The following MTFR1 variants were observed in gnomAD, a reference collection of about 807,000 sequenced individuals.
The protein encoded by MTFR1 is mitochondrial fission regulator 1.
A neutral mutation model predicts 38.8 loss-of-function variants in MTFR1; 28 were observed. The ratio of observed to expected loss-of-function variants is 0.72; its 90% CI spans 0.53 to 0.99. The LOEUF (loss-of-function observed/expected upper bound fraction) is 0.99. Among genes scored for constraint, MTFR1 ranks in the 50% least tolerant of loss-of-function variants. The probability of loss-of-function intolerance (pLI) is 0.00; values close to 1 mark genes in which losing one functional copy is unlikely to be tolerated. For synonymous variants in MTFR1, 145 were observed against 137.0 expected (o/e 1.06, Z -0.41); for missense variants, 358 against 395.5 (o/e 0.91, Z 0.81).
Position 65,693,812 on chromosome 8 carries a change from A to C in MTFR1, c.281+53A>C, listed in dbSNP as rs1401770196. 8.7e-6 allele frequency: 12 copies of C among 1,376,336 alleles called. No individual in the cohort carries two copies. In the Admixed American group the frequency reaches 1.8e-4, roughly 21 times the overall value. 85.3% of individuals were successfully genotyped at this position (1,376,336 alleles called of 1,614,324 possible). On this transcript the variant is annotated intron_variant, in intron 4 of 7. Coordinates refer to ENST00000262146, the MANE Select transcript of MTFR1 (RefSeq NM_014637.4). ...GATGCAATATCTATTTTTTTAAAGA[A>C]TGATATTATTTGCAGTACTTATTTT...
chr8:65,692,267 T>G (rs2129055965), intron 3 of MTFR1, among the ~76,000 whole-genome samples: 1 of 152,360 alleles, frequency 6.6e-6, no homozygotes, highest in South Asian at 2.1e-4. Flanking sequence ...CATTATTATA[T>G]GTATAACAAA....
At chr8:65,724,679 T>G (rs570490983) in intron 3 of MTFR1, 1 of 1,074,508 alleles carries the variant, frequency 9.3e-7, no homozygotes. Flanking sequence ...GCCCTCAAGA[T>G]TTAACCATTC....
At chr8:65,654,144 A>G (rs1809195852) in intron 1 of MTFR1, among the ~76,000 whole-genome samples, 1 of 152,080 alleles carries the variant, frequency 6.6e-6, no homozygotes, top group African/African-American at 2.4e-5. Flanking sequence ...CAAACAATAC[A>G]GGAGTGCATA....
chr8:65,739,270 G>A (rs67724994), intron 3 of MTFR1, among the ~76,000 whole-genome samples: 1 of 152,088 alleles, frequency 6.6e-6, no homozygotes, highest in Non-Finnish European at 1.5e-5. Flanking sequence ...CCAACATGCA[G>A]CCCACCTGTT....
downstream of MTFR1, among the ~76,000 whole-genome samples, chr8:65,774,788 C>A (rs1444891799): frequency 1.3e-5 from 2 of 151,454 alleles, no homozygotes; most frequent in African/African-American, 2.4e-5. Context: ...CTATATTTTC[C>A]AAAACAAAGA....
intron 4 of MTFR1, among the ~76,000 whole-genome samples, chr8:65,696,407 C>G (rs1305982052): frequency 6.6e-6 from 1 of 152,172 alleles, no homozygotes; most frequent in Non-Finnish European, 1.5e-5. Context: ...ATGCTTTTCA[C>G]TCAGTCTCCT....
intron 3 of MTFR1, among the ~76,000 whole-genome samples, chr8:65,733,415 C>G (rs1806986924): frequency 6.6e-6 from 1 of 152,162 alleles, no homozygotes; most frequent in Non-Finnish European, 1.5e-5. Flanking sequence ...CCACAACATT[C>G]TCAAACAGAG....
chr8:65,682,294 T>C, intron 2 of MTFR1, 59 bp from the exon 3 acceptor site: 1 of 805,352 alleles, frequency 1.2e-6, no homozygotes, highest in Non-Finnish European at 1.9e-6. Context: ...GTCTAATGCT[T>C]TGTCTTAACA....
At chr8:65,701,289 G>A (rs72666530) in intron 4 of MTFR1, among the ~76,000 whole-genome samples, 2,254 of 152,188 alleles carry the variant, frequency 0.015, 24 homozygotes, top group Non-Finnish European at 0.021. Context: ...ATACTTTTTG[G>A]TTTATAAGTC....
intron 3 of MTFR1, among the ~76,000 whole-genome samples, chr8:65,730,823 T>C (rs1463645209): frequency 1.3e-5 from 2 of 152,138 alleles, no homozygotes; most frequent in African/African-American, 4.8e-5. Flanking sequence ...CTTGGGAGGC[T>C]GAGACAAGAG....
chr8:65,749,806 G>T lies in MTFR1; in HGVS notation c.*49-21141G>T, dbSNP rs1335357317. Among the ~76,000 whole-genome samples, 6 of 152,122 alleles carry T rather than the reference G, an allele frequency of 3.9e-5. No homozygotes were observed. The South Asian group carries it at 1.2e-3, about 31-fold the overall frequency. The stretch of plus-strand genomic sequence containing the variant: ...TTATAAAGCCTGTTTACTCACAAGG[G>T]TTTTTAAATTATATTTCTACAGTAT... On this transcript the variant is annotated intron_variant, in intron 3 of 3. Transcript: ENST00000521247.
chr8:65,687,581 G>A (rs890349137), intron 3 of MTFR1, among the ~76,000 whole-genome samples: 13 of 151,824 alleles, frequency 8.6e-5, no homozygotes, highest in African/African-American at 1.7e-4. Flanking sequence ...TCCTGACCTC[G>A]TGATCCGCCC....
downstream of MTFR1, among the ~76,000 whole-genome samples, chr8:65,775,391 T>C (rs1356343254): frequency 1.3e-5 from 2 of 152,260 alleles, no homozygotes; most frequent in African/African-American, 2.4e-5. Flanking sequence ...TTCTCATTTA[T>C]GAATATAAGT....
intron 3 of MTFR1, among the ~76,000 whole-genome samples, chr8:65,750,082 T>C (rs919296270): frequency 3.3e-5 from 5 of 152,334 alleles, no homozygotes; most frequent in East Asian, 1.9e-4. Flanking sequence ...CCACCATCTC[T>C]GTATTTGTAA....
At chr8:65,764,826 T>G (rs959593158) in intron 3 of MTFR1, among the ~76,000 whole-genome samples, 1 of 151,978 alleles carries the variant, frequency 6.6e-6, no homozygotes, top group African/African-American at 2.4e-5. Context: ...TAAGCGAAAT[T>G]TAGGGAAAAT....
intron 2 of MTFR1, among the ~76,000 whole-genome samples, chr8:65,674,228 C>A (rs773153700): frequency 6.6e-5 from 10 of 152,092 alleles, no homozygotes; most frequent in African/African-American, 2.4e-4. Context: ...CCACTGCGTC[C>A]GTCCTTTTAA....
chr8:65,665,000 T>C (rs1804339701), intron 1 of MTFR1, among the ~76,000 whole-genome samples: 2 of 143,072 alleles, frequency 1.4e-5, no homozygotes, highest in South Asian at 4.6e-4. Context: ...AGTGGCATGA[T>C]CTCGGCTCAC....
intron 7 of MTFR1, 147 bp downstream of exon 7, chr8:65,708,158 C>T (rs374597926): frequency 1.3e-6 from 2 of 1,517,796 alleles, no homozygotes; most frequent in African/African-American, 2.8e-5. Flanking sequence ...ACAAGTAGAT[C>T]ACGGCTGGTT....
At chr8:65,775,456 A>AT (rs1223533263), downstream of MTFR1, among the ~76,000 whole-genome samples, 5 of 152,288 alleles carry the variant, frequency 3.3e-5, no homozygotes, top group East Asian at 3.9e-4. Flanking sequence ...AATTTCATAG[A>AT]TTTTCCCATC....
Sources: allele counts gnomAD v4.1 joint callset (sites outside exome capture counted in the v4.1 genomes callset), GRCh38; gene constraint gnomAD v4.1.1; transcripts MANE v1.5; gene names NCBI Gene and HGNC (gene_info 2026-07-23, HGNC 2026-07-21).